Variants in THAP8 observed in about 807,000 individuals in gnomAD.
The protein encoded by THAP8 is THAP domain-containing protein 8.
Under a neutral mutation model 25.0 loss-of-function variants are expected in THAP8, and 24 were observed. That is an observed-to-expected ratio of 0.96 (90% confidence interval 0.69 to 1.35). The LOEUF is 1.35. Among genes scored for constraint, THAP8 ranks in the 40% most tolerant of loss-of-function variants. THAP8 has a pLI of 0.00. For missense variants in THAP8, 399 were observed against 368.8 expected, an observed-to-expected ratio of 1.08 and a Z score of -0.67; for synonymous variants, 169 against 157.6, an observed-to-expected ratio of 1.07 and a Z score of -0.54.
rs949516418 is a variant in THAP8 at position 36,043,594 on chromosome 19, C to T, written c.84-3458G>A. On this transcript the variant is annotated intron_variant, in intron 1 of 3. Transcript: ENST00000292894. ...AAAAATAATTTTAATAGGCCAGGCA[C>T]GGTGGCTCACGCCTGTAATCCCAGC... Among the ~76,000 whole-genome samples the T allele has an allele frequency of 7.2e-5, 11 of 152,234 alleles. No homozygotes were observed. In the South Asian group the frequency reaches 1.5e-3, roughly 20 times the overall value.
At chr19:36,041,365 ATAC>A (rs1186646904) in intron 1 of THAP8, among the ~76,000 whole-genome samples, 8 of 152,030 alleles carry the variant, frequency 5.3e-5, no homozygotes, top group African/African-American at 1.7e-4. Flanking sequence ...GTATTGGTTT[ATAC>A]TTCTGAAACA....
intron 3 of THAP8, among the ~76,000 whole-genome samples, chr19:36,036,260 G>A (rs562500055): frequency 2.6e-4 from 38 of 145,442 alleles, no homozygotes; most frequent in Non-Finnish European, 4.5e-4. Context: ...AGAGCCTTCA[G>A]GAAAGACCAG....
chr19:36,040,098 A>C lies in THAP8; in HGVS notation c.122T>G (p.Leu41Arg), dbSNP rs771975409. ...LKDGPRLQAWLQHMGCEHWVP... is the reference protein window; with the variant it reads ...LKDGPRLQAWRQHMGCEHWVP... ...CCAGTGCTCACAGCCCATGTGCTGC[A>C]GCCAGGCCTGCAGCCGGGGACCATC... The change falls in exon 2 of 4, where the codon CTG (leucine) becomes CGG (arginine). Residue 41 changes from leucine (L) to arginine (R), a missense_variant. By Grantham distance (102) the Leu-to-Arg change is moderately radical. Coordinates refer to ENST00000292894, the MANE Select transcript of THAP8 (RefSeq NM_152658.3). 2 of 1,612,390 alleles carry C rather than the reference A, an allele frequency of 1.2e-6. No homozygotes were observed. The highest frequency in any genetic ancestry group is 4.5e-5 in the East Asian group (2 of 44,844).
chr19:36,051,724 C>T (rs1970059812), intron 1 of THAP8, among the ~76,000 whole-genome samples: 1 of 152,130 alleles, frequency 6.6e-6, no homozygotes, highest in South Asian at 2.1e-4. Flanking sequence ...GATTTATTTA[C>T]AATGGCAATG....
chr19:36,054,129 G>A lies in THAP8; in HGVS notation c.83+6C>T. 6.2e-7 allele frequency: 1 copy of A among 1,612,316 alleles called. No homozygotes were observed. Among genetic ancestry groups the A allele is most frequent in the Non-Finnish European group, 8.5e-7 (1 of 1,179,448 alleles). ...TCCCTCAAGCCCCGCCCCGCGCTGC[G>A]CTCACTTGTAGAAGCTCACAGGGCG... On this transcript the variant is annotated splice_donor_region_variant and intron_variant, in intron 1 of 3. Transcript: ENST00000292894.
chr19:36,042,123 A>G (rs1275805050), intron 1 of THAP8, among the ~76,000 whole-genome samples: 1 of 151,866 alleles, frequency 6.6e-6, no homozygotes, highest in Non-Finnish European at 1.5e-5. Context: ...AGAGGAAGAG[A>G]AGAACAGTGT....
At position 36,035,243 on chromosome 19, in the gene THAP8, G is replaced by A; in HGVS notation, c.*197C>T. On this transcript the variant is annotated 3_prime_UTR_variant, in exon 4 of 4. Coordinates refer to ENST00000292894, the MANE Select transcript of THAP8 (RefSeq NM_152658.3). ...AGAAGCCTGGTACCCAGGGGATTGG[G>A]GGCTGATGAGAGACTTGGGCCCAGG... 1.7e-6 allele frequency: 1 copy of A among 603,198 alleles called. No individual in the cohort carries two copies. Among genetic ancestry groups the A allele is most frequent in the East Asian group, 3.0e-5 (1 of 33,752 alleles). The allele number at this position is 603,198 out of a possible 1,614,324, so 37.4% of individuals were successfully genotyped here. A position where few individuals can be genotyped will look rare whatever the true frequency, so the allele number is the denominator to read the frequency against.
At chr19:36,039,169 A>G (rs1250720632) in intron 3 of THAP8, among the ~76,000 whole-genome samples, 154 bp downstream of exon 3, 2 of 152,264 alleles carry the variant, frequency 1.3e-5, no homozygotes, top group East Asian at 1.9e-4. Context: ...TGTTGGGATT[A>G]CAGGCGTGAG....
At chr19:36,054,070 A>C in intron 1 of THAP8, 65 bp downstream of exon 1, 1 of 1,548,312 alleles carries the variant, frequency 6.5e-7, no homozygotes, top group Non-Finnish European at 8.8e-7. Flanking sequence ...CAGCAGCACT[A>C]ATGCTCGGGC....
chr19:36,036,706 C>G (rs957159558), intron 3 of THAP8, among the ~76,000 whole-genome samples: 3 of 152,020 alleles, frequency 2.0e-5, no homozygotes, highest in South Asian at 2.1e-4. Flanking sequence ...TATAGGAGGC[C>G]GAGGTGGGCT....
upstream of THAP8, chr19:36,054,600 G>A: frequency 1.9e-6 from 1 of 540,150 alleles, no homozygotes; most frequent in South Asian, 2.1e-5. Context: ...GGCAACCGTT[G>A]GGGCGCACAT....
intron 3 of THAP8, among the ~76,000 whole-genome samples, chr19:36,037,243 TACAC>T (rs67358015): frequency 0.036 from 4,137 of 113,962 alleles, 117 homozygotes; most frequent in African/African-American, 0.074. Flanking sequence ...CTTCCTCCCC[TACAC>T]ACACACACAC....
At chr19:36,043,838 A>C (rs906665438) in intron 1 of THAP8, among the ~76,000 whole-genome samples, 5 of 152,202 alleles carry the variant, frequency 3.3e-5, no homozygotes, top group Non-Finnish European at 7.3e-5. Flanking sequence ...CAGTGAGTCG[A>C]GATCACGCCA....
rs746034105 is a variant in THAP8, at chr19:36,035,529, C to CA, written c.735dup (p.Asp246Ter). On this transcript the variant is annotated frameshift_variant, in exon 4 of 4. Coordinates refer to ENST00000292894, the MANE Select transcript of THAP8 (RefSeq NM_152658.3). LOFTEE classifies it high-confidence loss of function. Reference sequence around the variant, plus strand: ...TCCTGGGCAAGGACCATGGCTATGTCAGGCCCTCCACAGATGATGGTGAAG... The same window carrying CA: ...TCCTGGGCAAGGACCATGGCTATGTCAAGGCCCTCCACAGATGATGGTGAAG... 2.6e-5 allele frequency: 42 copies of CA among 1,614,184 alleles called. No homozygotes were observed. The highest frequency in any genetic ancestry group is 3.3e-5 in the Non-Finnish European group (39 of 1,180,032).
chr19:36,051,424 G>A (rs1362791032), intron 1 of THAP8, among the ~76,000 whole-genome samples: 1 of 152,010 alleles, frequency 6.6e-6, no homozygotes, highest in Non-Finnish European at 1.5e-5. Context: ...AGAGGAGGGC[G>A]CTGATCTGAC....
At chr19:36,053,366 CAAAAAAAAAAAAAAAAAAA>C (rs58744657) in intron 1 of THAP8, among the ~76,000 whole-genome samples, 8 of 77,068 alleles carry the variant, frequency 1.0e-4, no homozygotes, top group Admixed American at 3.3e-4. Context: ...CCAAGCCTGG[CAAAAAAAAAAAAAAAAAAA>C]AAAAAAAAAA....
At chr19:36,036,295 A>ATTTTTT (rs1245858015) in intron 3 of THAP8, among the ~76,000 whole-genome samples, 64 of 46,832 alleles carry the variant, frequency 1.4e-3, no homozygotes, top group African/African-American at 7.5e-3. Flanking sequence ...TTTTTTTTTG[A>ATTTTTT]GACAGAGTCT....
chr19:36,038,269 G>A (rs538635021), intron 3 of THAP8, among the ~76,000 whole-genome samples: 9 of 151,602 alleles, frequency 5.9e-5, no homozygotes, highest in African/African-American at 2.2e-4. Context: ...TTTGGTTGTG[G>A]TTTTTGGTTT....
At chr19:36,042,293 A>C (rs4806255) in intron 1 of THAP8, among the ~76,000 whole-genome samples, 71,910 of 151,486 alleles carry the variant, frequency 0.47, 17,832 homozygotes, top group African/African-American at 0.62. Flanking sequence ...CCAAAAGAAC[A>C]CAAAACAGGG....
Sources: gnomAD v4.1 joint callset for allele counts (sites outside exome capture counted in the v4.1 genomes callset) on GRCh38, gnomAD v4.1.1 for gene constraint, MANE v1.5 for transcripts, NCBI Gene and HGNC (gene_info 2026-07-23, HGNC 2026-07-21) for gene names.